The following PDE4D variants were observed in gnomAD, a reference collection of about 807,000 sequenced individuals.
The protein encoded by PDE4D is phosphodiesterase 4D, also known as 3',5'-cyclic-AMP phosphodiesterase 4D.
PDE4D carries 24 observed loss-of-function variants against 87.4 expected under a neutral mutation model. The ratio of observed to expected loss-of-function variants is 0.27; its 90% confidence interval spans 0.20 to 0.39. PDE4D has a LOEUF of 0.39. Ranked by LOEUF, PDE4D falls within the 10% of genes least tolerant of loss-of-function variation. PDE4D has a pLI of 1.00. For missense variants in PDE4D, 714 were observed against 1,041.0 expected, an observed-to-expected ratio of 0.69 and a Z score of 4.32; for synonymous variants, 384 against 383.2, an observed-to-expected ratio of 1.00 and a Z score of -0.02.
In PDE4D at chr5:59,679,740, A is replaced by G. The variant is rs373602487; in HGVS notation, c.455+213428T>C. On this transcript the variant is annotated intron_variant, in intron 1 of 14. Coordinates refer to ENST00000340635, the MANE Select transcript of PDE4D (RefSeq NM_001104631.2). ...ACTATATGAAGACTTTCATGGAATA[A>G]TGATTTAATATTTTGACTTATAACA... is the stretch of plus-strand genomic sequence containing the variant. Among the ~76,000 whole-genome samples, 7 of 152,290 alleles carry G rather than the reference A, an allele frequency of 4.6e-5. No homozygotes were observed. In the East Asian group the frequency reaches 9.6e-4, roughly 21 times the overall value.
intron 2 of PDE4D, among the ~76,000 whole-genome samples, chr5:60,068,526 C>T (rs1431639574): frequency 1.3e-5 from 2 of 151,768 alleles, no homozygotes; most frequent in Non-Finnish European, 2.9e-5. Context: ...ATACGGTTTG[C>T]AAATATTCCC....
intron 3 of PDE4D, among the ~76,000 whole-genome samples, chr5:59,900,297 T>TAC (rs1228242360): frequency 1.3e-5 from 2 of 151,212 alleles, no homozygotes; most frequent in East Asian, 1.9e-4. Context: ...CATATATATA[T>TAC]ACACTATTTA....
intron 1 of PDE4D, among the ~76,000 whole-genome samples, chr5:59,651,382 A>T (rs1408346371): frequency 6.6e-6 from 1 of 151,360 alleles, no homozygotes; most frequent in African/African-American, 2.4e-5. Context: ...GAAAACAAAG[A>T]TCTTTTATGT....
At chr5:59,202,696 A>C (rs1747778757) in intron 2 of PDE4D, among the ~76,000 whole-genome samples, 1 of 152,046 alleles carries the variant, frequency 6.6e-6, no homozygotes. Flanking sequence ...TATGAGATCT[A>C]ATTTTTTAAA....
At chr5:60,512,418 G>A (rs1750617984) in intron 1 of PDE4D, among the ~76,000 whole-genome samples, 2 of 151,948 alleles carry the variant, frequency 1.3e-5, no homozygotes, top group Non-Finnish European at 2.9e-5. Flanking sequence ...TCAAATACTT[G>A]ATTCCTTTGA....
chr5:59,558,312 G>A (rs1202781331), intron 1 of PDE4D, among the ~76,000 whole-genome samples: 1 of 152,144 alleles, frequency 6.6e-6, no homozygotes, highest in Non-Finnish European at 1.5e-5. Context: ...GAGTCTGGGA[G>A]TGGGGTTAGG....
chr5:59,287,313 G>C (rs1454919820), intron 1 of PDE4D, among the ~76,000 whole-genome samples: 2 of 152,126 alleles, frequency 1.3e-5, no homozygotes, highest in Admixed American at 1.3e-4. Flanking sequence ...TGGCCACAGG[G>C]AGAGACTCCT....
intron 1 of PDE4D, among the ~76,000 whole-genome samples, chr5:59,734,628 G>A (rs1002463095): frequency 6.6e-6 from 1 of 152,078 alleles, no homozygotes; most frequent in African/African-American, 2.4e-5. Flanking sequence ...CTGTCAAGAA[G>A]CAAAAGATAT....
intron 1 of PDE4D, among the ~76,000 whole-genome samples, chr5:60,432,156 C>T (rs1018188911): frequency 3.3e-5 from 5 of 152,098 alleles, no homozygotes; most frequent in African/African-American, 9.7e-5. Context: ...ATTCAGTTTG[C>T]TAGTATTTTG....
chr5:59,734,386 T>C (rs575087494), intron 1 of PDE4D, among the ~76,000 whole-genome samples: 1 of 152,298 alleles, frequency 6.6e-6, no homozygotes, highest in South Asian at 2.1e-4. Context: ...TCTATCTCCT[T>C]ATTCTATTTG....
chr5:60,259,962 A>T (rs1417323446), intron 1 of PDE4D, among the ~76,000 whole-genome samples: 4 of 152,038 alleles, frequency 2.6e-5, no homozygotes, highest in African/African-American at 4.8e-5. Context: ...AAAAAGAGAA[A>T]AAAAAAGGAA....
chr5:59,606,887 AT>A (rs1245650499), intron 1 of PDE4D, among the ~76,000 whole-genome samples: 1 of 151,266 alleles, frequency 6.6e-6, no homozygotes, highest in Non-Finnish European at 1.5e-5. Flanking sequence ...TTCATTGTTT[AT>A]TTTCCCCATA....
intron 1 of PDE4D, among the ~76,000 whole-genome samples, chr5:59,809,595 G>T (rs988081476): frequency 3.9e-5 from 6 of 152,140 alleles, no homozygotes; most frequent in Non-Finnish European, 5.9e-5. Context: ...TGCCTGCCTG[G>T]ATTATAACGA....
intron 1 of PDE4D, among the ~76,000 whole-genome samples, chr5:59,591,364 A>G (rs1475678399): frequency 6.6e-6 from 1 of 152,094 alleles, no homozygotes; most frequent in Non-Finnish European, 1.5e-5. Flanking sequence ...GTCACACCCT[A>G]GTTCCTGAGG....
chr5:59,441,692 A>T (rs115591944), intron 1 of PDE4D, among the ~76,000 whole-genome samples: 1,693 of 152,274 alleles, frequency 0.011, 43 homozygotes, highest in African/African-American at 0.038. Flanking sequence ...CTTAAGACAG[A>T]ATTCCTCACA....
chr5:59,542,843 T>C (rs1816603435), intron 1 of PDE4D, among the ~76,000 whole-genome samples: 1 of 152,144 alleles, frequency 6.6e-6, no homozygotes, highest in African/African-American at 2.4e-5. Flanking sequence ...CAATATTTCC[T>C]GCTAGTGGAC....
intron 1 of PDE4D, among the ~76,000 whole-genome samples, chr5:60,271,399 G>C (rs1401664342): frequency 2.6e-5 from 4 of 152,138 alleles, no homozygotes; most frequent in Admixed American, 2.6e-4. Context: ...CCATAGAAAT[G>C]TAATTGATCT....
chr5:60,443,093 A>C (rs1161678717), intron 1 of PDE4D, among the ~76,000 whole-genome samples: 1 of 152,164 alleles, frequency 6.6e-6, no homozygotes, highest in Non-Finnish European at 1.5e-5. Context: ...GATAGACATT[A>C]AGAAAGAGCC....
At chr5:59,841,655 G>A (rs1404508414) in intron 1 of PDE4D, among the ~76,000 whole-genome samples, 1 of 151,992 alleles carries the variant, frequency 6.6e-6, no homozygotes, top group Non-Finnish European at 1.5e-5. Flanking sequence ...TCAATGAGAT[G>A]AGGGCTATGA....
Sources: gnomAD v4.1 joint callset for allele counts (sites outside exome capture counted in the v4.1 genomes callset) on GRCh38, gnomAD v4.1.1 for gene constraint, MANE v1.5 for transcripts, NCBI Gene and HGNC (gene_info 2026-07-23, HGNC 2026-07-21) for gene names.